Variants in UBE2W observed in about 807,000 individuals in gnomAD.
UBE2W encodes the protein ubiquitin-conjugating enzyme E2 W.
UBE2W carries 18 observed loss-of-function variants against 27.2 expected under a neutral mutation model. The ratio of observed to expected loss-of-function variants is 0.66; its 90% CI spans 0.46 to 0.98. The LOEUF is 0.98. Ranked by LOEUF, UBE2W falls within the 50% of genes least tolerant of loss-of-function variation. The pLI, the probability that UBE2W is intolerant of heterozygous loss-of-function variation, is 0.00. For synonymous variants in UBE2W, 53 were observed against 57.2 expected, an observed-to-expected ratio of 0.93 and a Z score of 0.33; for missense variants, 90 against 180.2, an observed-to-expected ratio of 0.50 and a Z score of 2.87.
chr8:73,865,458 A>G (rs1291054095), intron 1 of UBE2W, among the ~76,000 whole-genome samples: 1 of 152,156 alleles, frequency 6.6e-6, no homozygotes, highest in Non-Finnish European at 1.5e-5. Context: ...CCAAAAATAC[A>G]AAAATTAGCC....
chr8:73,871,285 T>C (rs751594265), intron 1 of UBE2W, among the ~76,000 whole-genome samples: 4 of 152,216 alleles, frequency 2.6e-5, no homozygotes, highest in Non-Finnish European at 4.4e-5. Context: ...CCAAGGTTTC[T>C]GGCTGAGCAA....
At chr8:73,841,455 A>G (rs2130928067) in intron 1 of UBE2W, among the ~76,000 whole-genome samples, 1 of 152,290 alleles carries the variant, frequency 6.6e-6, no homozygotes, top group South Asian at 2.1e-4. Flanking sequence ...AAACTTTTTA[A>G]AATTCTGACA....
intron 1 of UBE2W, among the ~76,000 whole-genome samples, chr8:73,858,991 T>C (rs866661699): frequency 7.9e-4 from 112 of 141,500 alleles, no homozygotes; most frequent in South Asian, 6.5e-3. Context: ...TGTGTGTGTG[T>C]GTGTGTGTGT....
intron 1 of UBE2W, among the ~76,000 whole-genome samples, chr8:73,878,384 C>A (rs1812329319): frequency 1.3e-5 from 2 of 152,334 alleles, no homozygotes; most frequent in South Asian, 2.1e-4. Context: ...CACACTCAGC[C>A]CCCCGCCGCC....
At chr8:73,781,951 T>C (rs1397219744), downstream of UBE2W, among the ~76,000 whole-genome samples, 189 of 51,020 alleles carry the variant, frequency 3.7e-3, 1 homozygote, top group African/African-American at 0.012. Context: ...TTTTTTTTTT[T>C]TTTTTTTTGA....
rs1369916692 is a variant in UBE2W, at chr8:73,793,169, A to G, written c.*933T>C. 1.0e-6 allele frequency: 1 copy of G among 985,732 alleles called. No homozygotes were observed. Among genetic ancestry groups the G allele is most frequent in the Non-Finnish European group, 1.2e-6 (1 of 829,918 alleles). The allele number at this position is 985,732 out of a possible 1,614,324, so 61.1% of individuals were successfully genotyped here. A position where few individuals can be genotyped will look rare whatever the true frequency, so the allele number is the denominator to read the frequency against. On this transcript the variant is annotated 3_prime_UTR_variant, in exon 6 of 6. Coordinates refer to ENST00000602593, the MANE Select transcript of UBE2W (RefSeq NM_018299.6). ...GGGTTTCCAAACATAAATAAATGAA[A>G]TAGTGTTTAGGCAGTAGGGCTCATG... is the stretch of plus-strand genomic sequence containing the variant.
chr8:73,866,136 C>T (rs983268695), intron 1 of UBE2W, among the ~76,000 whole-genome samples: 4 of 151,436 alleles, frequency 2.6e-5, no homozygotes, highest in Non-Finnish European at 5.9e-5. Context: ...CCGGGTGTGG[C>T]AGCGCGTGCC....
intron 3 of UBE2W, among the ~76,000 whole-genome samples, chr8:73,813,316 GAA>G (rs1284376897): frequency 6.6e-6 from 1 of 152,140 alleles, no homozygotes; most frequent in Non-Finnish European, 1.5e-5. Flanking sequence ...ACTCAGGAGA[GAA>G]GAGAAAGAAA....
At chr8:73,871,050 G>A (rs1415921758) in intron 1 of UBE2W, among the ~76,000 whole-genome samples, 1 of 152,152 alleles carries the variant, frequency 6.6e-6, no homozygotes, top group Non-Finnish European at 1.5e-5. Context: ...GAAATGACAT[G>A]ACTTTTGTTT....
chr8:73,855,937 C>T (rs1410937456), intron 1 of UBE2W, among the ~76,000 whole-genome samples: 1 of 152,026 alleles, frequency 6.6e-6, no homozygotes, highest in Non-Finnish European at 1.5e-5. Flanking sequence ...AGTCTTTTTA[C>T]ATATTGTTCA....
Position 73,792,965 on chromosome 8 carries a change from T to G in UBE2W, c.*1137A>C. Reference sequence around the variant, plus strand: ...ATGTCCACACTCTTTTGTTAAAACATTAAGCCTCTGTCAAAAATGTATTTC... The same window carrying G: ...ATGTCCACACTCTTTTGTTAAAACAGTAAGCCTCTGTCAAAAATGTATTTC... On this transcript the variant is annotated 3_prime_UTR_variant, in exon 6 of 6. Transcript: ENST00000602593. 1.0e-6 allele frequency: 1 copy of G among 985,594 alleles called. No individual in the cohort carries two copies. Among genetic ancestry groups the G allele is most frequent in the Non-Finnish European group, 1.2e-6 (1 of 829,708 alleles). The allele number at this position is 985,594 out of a possible 1,614,324, so 61.1% of individuals were successfully genotyped here.
Position 73,788,275 on chromosome 8 carries a change from T to C in UBE2W, c.*5827A>G. 1.0e-6 allele frequency: 1 copy of C among 970,920 alleles called. No individual in the cohort carries two copies. Among genetic ancestry groups the C allele is most frequent in the Non-Finnish European group, 1.2e-6 (1 of 816,686 alleles). 60.1% of individuals were successfully genotyped at this position (970,920 alleles called of 1,614,324 possible). On this transcript the variant is annotated 3_prime_UTR_variant, in exon 6 of 6. Transcript: ENST00000602593. ...CATTTATATTCTATTTAAAAAGTAG[T>C]GACTTTACATATTTTGCAACTTGAG...
At chr8:73,846,954 C>T (rs975864926) in intron 1 of UBE2W, among the ~76,000 whole-genome samples, 2 of 152,132 alleles carry the variant, frequency 1.3e-5, no homozygotes, top group Non-Finnish European at 1.5e-5. Context: ...GGGTGGATCA[C>T]GAAGTCTCAG....
downstream of UBE2W, among the ~76,000 whole-genome samples, chr8:73,785,567 T>G (rs904198621): frequency 2.0e-5 from 3 of 152,026 alleles, no homozygotes; most frequent in Non-Finnish European, 4.4e-5. Flanking sequence ...ACACAGTACC[T>G]AATATGTAGT....
rs1212745063 is a variant in UBE2W at position 73,794,065 on chromosome 8, A to G, written c.*37T>C. The G allele has an allele frequency of 6.2e-7, 1 of 1,612,888 alleles. No individual in the cohort carries two copies. Among genetic ancestry groups the G allele is most frequent in the Admixed American group, 1.7e-5 (1 of 59,834 alleles). ...TGATCAAAGTGCTCATTTTCTCAGT[A>G]GGACTATCTTCTGCTAGGAGGATGA... On this transcript the variant is annotated 3_prime_UTR_variant, in exon 6 of 6. Transcript: ENST00000602593.
intron 5 of UBE2W, among the ~76,000 whole-genome samples, chr8:73,802,582 A>AT (rs1446054368): frequency 9.2e-5 from 14 of 152,126 alleles, no homozygotes; most frequent in Admixed American, 2.0e-4. Context: ...GAAAAAAAAC[A>AT]TTTTTTTGGT....
chr8:73,807,681 C>G (rs562843084), intron 4 of UBE2W, among the ~76,000 whole-genome samples: 1 of 152,224 alleles, frequency 6.6e-6, no homozygotes, highest in South Asian at 2.1e-4. Flanking sequence ...ATTGGTACTA[C>G]TAGAGCAGAT....
In UBE2W at chr8:73,790,471, T is replaced by G; in HGVS notation, c.*3631A>C. 1.0e-6 allele frequency: 1 copy of G among 985,142 alleles called. No homozygotes were observed. Among genetic ancestry groups the G allele is most frequent in the Non-Finnish European group, 1.2e-6 (1 of 829,684 alleles). The allele number at this position is 985,142 out of a possible 1,614,324, so 61.0% of individuals were successfully genotyped here. A position where few individuals can be genotyped will look rare whatever the true frequency, so the allele number is the denominator to read the frequency against. ...TCAGAAAAGAAGAATATGGTTAAGC[T>G]TCAGTTCTTTTTGAAAAGCAATTTA... is the stretch of plus-strand genomic sequence containing the variant. On this transcript the variant is annotated 3_prime_UTR_variant, in exon 6 of 6. Transcript: ENST00000602593.
In UBE2W at chr8:73,839,890, C is replaced by T. The variant is rs559073744; in HGVS notation, c.16-9418G>A. ...GGGACTCCAGGCATGCATCACCACA[C>T]CTGGCTAAATTTTGTATTTTAAACA... On this transcript the variant is annotated intron_variant, in intron 1 of 5. Transcript: ENST00000602593. Among the ~76,000 whole-genome samples, 445 of 151,774 alleles carry T rather than the reference C, an allele frequency of 2.9e-3. 3 individuals carry two copies. The highest frequency in any genetic ancestry group is 0.01 in the African/African-American group (422 of 41,392).
Sources: gnomAD v4.1 joint callset for allele counts (sites outside exome capture counted in the v4.1 genomes callset) on GRCh38, gnomAD v4.1.1 for gene constraint, MANE v1.5 for transcripts, NCBI Gene and HGNC (gene_info 2026-07-23, HGNC 2026-07-21) for gene names.